The following SLC16A7 variants were observed in gnomAD, a reference collection of about 807,000 sequenced individuals.
SLC16A7 encodes the protein solute carrier family 16 member 7.
Under a neutral mutation model 34.9 loss-of-function variants are expected in SLC16A7, and 33 were observed. That is an observed-to-expected ratio of 0.94 (90% CI 0.72 to 1.26). The LOEUF (loss-of-function observed/expected upper bound fraction) is 1.26. SLC16A7 is among the 50% of genes most tolerant of loss of function. The pLI, the probability that SLC16A7 is intolerant of heterozygous loss-of-function variation, is 0.00. For missense variants in SLC16A7, 573 were observed against 578.1 expected, an observed-to-expected ratio of 0.99 and a Z score of 0.09; for synonymous variants, 201 against 206.6, an observed-to-expected ratio of 0.97 and a Z score of 0.23.
chr12:59,649,143 T>A (rs894499500), intron 1 of SLC16A7, among the ~76,000 whole-genome samples: 4 of 152,162 alleles, frequency 2.6e-5, no homozygotes, highest in Admixed American at 2.6e-4. Flanking sequence ...CTTATATAAA[T>A]CAGGCTTTTA....
intron 3 of SLC16A7, among the ~76,000 whole-genome samples, chr12:59,752,043 G>A (rs1028759164): frequency 6.2e-4 from 94 of 152,228 alleles, no homozygotes; most frequent in Non-Finnish European, 1.1e-3. Context: ...TGCAGCTGAG[G>A]GTCCTGTCTG....
At chr12:59,656,364 C>T (rs1332772840) in intron 2 of SLC16A7, among the ~76,000 whole-genome samples, 4 of 151,962 alleles carry the variant, frequency 2.6e-5, no homozygotes, top group South Asian at 2.1e-4. Context: ...ATGGGCCCAG[C>T]GTCATCACTA....
chr12:59,721,485 C>G (rs1469438649), intron 3 of SLC16A7, among the ~76,000 whole-genome samples: 1 of 151,934 alleles, frequency 6.6e-6, no homozygotes, highest in Non-Finnish European at 1.5e-5. Context: ...CTGGGTCATT[C>G]CTGTAGCTTA....
chr12:59,759,898 C>A (rs1265827677), intron 3 of SLC16A7, among the ~76,000 whole-genome samples: 1 of 151,902 alleles, frequency 6.6e-6, no homozygotes, highest in Non-Finnish European at 1.5e-5. Context: ...CATTTTAAAC[C>A]TAGCAATTAT....
At chr12:59,681,370 A>G (rs912141801) in intron 2 of SLC16A7, among the ~76,000 whole-genome samples, 1 of 152,196 alleles carries the variant, frequency 6.6e-6, no homozygotes, top group African/African-American at 2.4e-5. Flanking sequence ...ATTTCATGCA[A>G]ATAAACTCCT....
intron 1 of SLC16A7, among the ~76,000 whole-genome samples, chr12:59,604,835 A>C (rs1455672210): frequency 1.3e-5 from 2 of 152,122 alleles, no homozygotes; most frequent in Non-Finnish European, 2.9e-5. Flanking sequence ...TCTTGGGAAA[A>C]GTCCGATAAT....
At chr12:59,671,762 T>A (rs1041602817) in intron 2 of SLC16A7, among the ~76,000 whole-genome samples, 1 of 144,968 alleles carries the variant, frequency 6.9e-6, no homozygotes, top group African/African-American at 2.5e-5. Context: ...AATGTGTATA[T>A]GTATATATGT....
intron 1 of SLC16A7, among the ~76,000 whole-genome samples, chr12:59,613,231 G>A (rs1879282957): frequency 6.6e-6 from 1 of 152,194 alleles, no homozygotes; most frequent in Admixed American, 6.5e-5. Context: ...CTGAGCAAAA[G>A]GGGAAATGCC....
intron 1 of SLC16A7, among the ~76,000 whole-genome samples, chr12:59,633,782 G>T (rs1880296813): frequency 6.6e-6 from 1 of 151,952 alleles, no homozygotes; most frequent in African/African-American, 2.4e-5. Context: ...CAGGGGAGGT[G>T]CTACACTTTA....
At chr12:59,764,865 G>A (rs911186135) in intron 3 of SLC16A7, among the ~76,000 whole-genome samples, 2 of 152,204 alleles carry the variant, frequency 1.3e-5, no homozygotes, top group African/African-American at 4.8e-5. Flanking sequence ...GGATTGCTGG[G>A]TCAAATGGTA....
chr12:59,753,606 C>T (rs1329210079), intron 3 of SLC16A7, among the ~76,000 whole-genome samples: 2 of 151,870 alleles, frequency 1.3e-5, no homozygotes, highest in African/African-American at 4.8e-5. Context: ...ATTCATAAAG[C>T]AAGTCCTGAG....
intron 1 of SLC16A7, among the ~76,000 whole-genome samples, chr12:59,654,161 G>A (rs865987057): frequency 7.9e-5 from 12 of 151,286 alleles, no homozygotes; most frequent in African/African-American, 2.9e-4. Flanking sequence ...CATAGGGTTA[G>A]TGGTGATGTG....
intron 2 of SLC16A7, among the ~76,000 whole-genome samples, chr12:59,702,515 G>A (rs999245666): frequency 3.9e-5 from 6 of 152,014 alleles, no homozygotes; most frequent in African/African-American, 7.2e-5. Flanking sequence ...GCATCTGCAC[G>A]ACATTAACTT....
chr12:59,613,272 T>G (rs1879285397), intron 1 of SLC16A7, among the ~76,000 whole-genome samples: 2 of 152,182 alleles, frequency 1.3e-5, no homozygotes, highest in African/African-American at 4.8e-5. Flanking sequence ...TTGTGAGAAC[T>G]CACTCACTAT....
Position 59,789,798 on chromosome 12 carries a change from ATTGC to A in SLC16A7, c.*10122_*10125del, listed in dbSNP as rs1883867155. ...CTATAATATGTAAGAAAAAACCTGTATTGCTTATTAAATTAAAATTAAAATAAAA... is the reference window on the plus strand; with the variant it reads ...CTATAATATGTAAGAAAAAACCTGTATTATTAAATTAAAATTAAAATAAAA... On this transcript the variant is annotated 3_prime_UTR_variant, in exon 6 of 6. Coordinates refer to ENST00000547379, the MANE Select transcript of SLC16A7 (RefSeq NM_001270623.2). The A allele has an allele frequency of 6.7e-6, 1 of 149,684 alleles. No homozygotes were observed. The highest frequency in any genetic ancestry group is 1.5e-5 in the Non-Finnish European group (1 of 66,568). 9.3% of individuals were successfully genotyped at this position (149,684 alleles called of 1,614,324 possible). A position where few individuals can be genotyped will look rare whatever the true frequency, so the allele number is the denominator to read the frequency against.
chr12:59,649,505 A>G (rs190020056), intron 1 of SLC16A7, among the ~76,000 whole-genome samples: 3 of 152,148 alleles, frequency 2.0e-5, no homozygotes, highest in African/African-American at 7.2e-5. Context: ...CCACATTATT[A>G]TTTGAGCTAA....
At chr12:59,630,257 A>G (rs558181736) in intron 1 of SLC16A7, among the ~76,000 whole-genome samples, 1 of 151,950 alleles carries the variant, frequency 6.6e-6, no homozygotes, top group South Asian at 2.1e-4. Context: ...TAAGTTGCAT[A>G]TATTGGTTCA....
At chr12:59,679,910 C>T (rs776740885) in intron 2 of SLC16A7, among the ~76,000 whole-genome samples, 12 of 152,114 alleles carry the variant, frequency 7.9e-5, no homozygotes, top group African/African-American at 2.2e-4. Flanking sequence ...GCCACTGAAA[C>T]GATCATTTCA....
chr12:59,765,183 GT>G (rs897418275), intron 3 of SLC16A7, among the ~76,000 whole-genome samples: 1 of 152,134 alleles, frequency 6.6e-6, no homozygotes, highest in East Asian at 1.9e-4. Context: ...GGGGTTGTTT[GT>G]TTTTTTCTTG....
Sources: allele counts gnomAD v4.1 joint callset (sites outside exome capture counted in the v4.1 genomes callset), GRCh38; gene constraint gnomAD v4.1.1; transcripts MANE v1.5; gene names NCBI Gene and HGNC (gene_info 2026-07-23, HGNC 2026-07-21).